GALNT7: variants seen among roughly 807,000 people sequenced by gnomAD.
GALNT7 encodes N-acetylgalactosaminyltransferase 7.
A neutral mutation model predicts 82.1 loss-of-function variants in GALNT7; 60 were observed. The ratio of observed to expected loss-of-function variants is 0.73; its 90% CI spans 0.59 to 0.91. GALNT7 has a LOEUF of 0.91. Ranked by LOEUF, GALNT7 falls within the 40% of genes least tolerant of loss-of-function variation. The pLI, the probability that GALNT7 is intolerant of heterozygous loss-of-function variation, is 0.00. For missense variants in GALNT7, 660 were observed against 804.2 expected, an observed-to-expected ratio of 0.82 and a Z score of 2.17; for synonymous variants, 243 against 275.1, an observed-to-expected ratio of 0.88 and a Z score of 1.15.
chr4:173,239,942 G>A lies in GALNT7; in HGVS notation c.127-8038G>A, dbSNP rs943333628. 2.0e-5 allele frequency among the ~76,000 whole-genome samples: 3 copies of A among 152,064 alleles called. No individual in the cohort carries two copies. In the East Asian group the frequency reaches 5.8e-4, roughly 29 times the overall value. On this transcript the variant is annotated intron_variant, in intron 1 of 11. Coordinates refer to ENST00000265000, the MANE Select transcript of GALNT7 (RefSeq NM_017423.3). ...TCAAAATTGTACTATATACTTCTGA[G>A]TAAATATAACGGATTTGTTACCCAT...
At chr4:173,178,056 C>CGCGCGCGT (rs1732124452) in intron 1 of GALNT7, among the ~76,000 whole-genome samples, 1 of 128,494 alleles carries the variant, frequency 7.8e-6, no homozygotes, top group Non-Finnish European at 1.6e-5. Flanking sequence ...TGTGTGTGCG[C>CGCGCGCGT]GCACGCGCGT....
intron 2 of GALNT7, among the ~76,000 whole-genome samples, chr4:173,266,437 C>G (rs1218794269): frequency 6.6e-6 from 1 of 152,130 alleles, no homozygotes; most frequent in Non-Finnish European, 1.5e-5. Flanking sequence ...TCTTCTAGGA[C>G]CGACCTTTCA....
At chr4:173,314,693 C>T (rs1425999023) in intron 9 of GALNT7, among the ~76,000 whole-genome samples, 2 of 152,158 alleles carry the variant, frequency 1.3e-5, no homozygotes, top group African/African-American at 4.8e-5. Context: ...TCCAACAATG[C>T]TTTTCAAATG....
chr4:173,210,780 A>G (rs879671668), intron 1 of GALNT7, among the ~76,000 whole-genome samples: 2 of 152,140 alleles, frequency 1.3e-5, no homozygotes, highest in Non-Finnish European at 2.9e-5. Flanking sequence ...CTTCTTTTTG[A>G]TTCTGCAACA....
chr4:173,316,976 T>A (rs996381292), intron 9 of GALNT7: 1 of 152,280 alleles, frequency 6.6e-6, no homozygotes, highest in Non-Finnish European at 1.5e-5. Context: ...TCATTATAGG[T>A]GCACAGTCCA....
intron 2 of GALNT7, chr4:173,268,098 T>C (rs988604217): frequency 6.5e-6 from 1 of 154,900 alleles, no homozygotes; most frequent in African/African-American, 2.4e-5. Flanking sequence ...AAGAAATGCT[T>C]GCTTGTAAGT....
chr4:173,233,721 C>T (rs1734117939), intron 1 of GALNT7, among the ~76,000 whole-genome samples: 1 of 152,140 alleles, frequency 6.6e-6, no homozygotes, highest in South Asian at 2.1e-4. Context: ...GCTTTGGCTC[C>T]CATCCCTTCT....
At chr4:173,186,114 G>T (rs1732453007) in intron 1 of GALNT7, among the ~76,000 whole-genome samples, 5 of 152,188 alleles carry the variant, frequency 3.3e-5, no homozygotes, top group African/African-American at 1.2e-4. Flanking sequence ...TTGTCATGGG[G>T]TTGGGGAGTC....
chr4:173,216,725 A>T (rs1298941657), intron 1 of GALNT7, among the ~76,000 whole-genome samples: 920 of 8,366 alleles, frequency 0.11, 27 homozygotes, highest in African/African-American at 0.17. Flanking sequence ...ATATATATAT[A>T]TATTTTTTTT....
chr4:173,184,416 G>A (rs1389913518), intron 1 of GALNT7, among the ~76,000 whole-genome samples: 1 of 152,044 alleles, frequency 6.6e-6, no homozygotes, highest in Admixed American at 6.6e-5. Flanking sequence ...GACCAACACG[G>A]CGAAACCCCG....
chr4:173,316,311 G>C (rs1737600369), intron 9 of GALNT7: 1 of 152,384 alleles, frequency 6.6e-6, no homozygotes, highest in African/African-American at 2.4e-5. Flanking sequence ...TGCATGGCCA[G>C]CTCTCACACC....
At chr4:173,297,232 C>G (rs1452029392) in intron 5 of GALNT7, among the ~76,000 whole-genome samples, 1 of 149,708 alleles carries the variant, frequency 6.7e-6, no homozygotes, top group Admixed American at 6.6e-5. Context: ...TTTAAAGCAA[C>G]AATACCTTTT....
At chr4:173,291,467 G>C (rs765195172) in intron 2 of GALNT7, among the ~76,000 whole-genome samples, 12 of 152,166 alleles carry the variant, frequency 7.9e-5, no homozygotes, top group Non-Finnish European at 1.6e-4. Flanking sequence ...CCTGTTTGGG[G>C]TTTCTTCTAT....
At chr4:173,196,221 T>C (rs1358899966) in intron 1 of GALNT7, among the ~76,000 whole-genome samples, 1 of 151,692 alleles carries the variant, frequency 6.6e-6, no homozygotes, top group African/African-American at 2.4e-5. Flanking sequence ...ACCTCCTAGG[T>C]TCAAGTCATT....
chr4:173,249,426 A>G (rs1219519734), intron 2 of GALNT7, among the ~76,000 whole-genome samples: 2 of 152,156 alleles, frequency 1.3e-5, no homozygotes, highest in African/African-American at 4.8e-5. Flanking sequence ...ATTCCTGTAC[A>G]TTTACTGGTA....
intron 2 of GALNT7, among the ~76,000 whole-genome samples, chr4:173,262,018 T>C (rs1029219304): frequency 3.9e-5 from 6 of 152,128 alleles, no homozygotes; most frequent in Admixed American, 3.9e-4. Flanking sequence ...CGAGTATCAT[T>C]GTCTTAGATT....
intron 1 of GALNT7, among the ~76,000 whole-genome samples, chr4:173,178,048 TGTGTGC>T (rs1382613473): frequency 8.1e-4 from 92 of 113,706 alleles, no homozygotes; most frequent in African/African-American, 2.6e-3. Context: ...TGTGTGTGTG[TGTGTGC>T]GCGCACGCGC....
intron 1 of GALNT7, among the ~76,000 whole-genome samples, chr4:173,240,943 TA>T (rs1264572083): frequency 6.6e-6 from 1 of 152,110 alleles, no homozygotes; most frequent in Non-Finnish European, 1.5e-5. Context: ...TGCTTCTGTT[TA>T]AAAAGGGAAT....
intron 2 of GALNT7, among the ~76,000 whole-genome samples, chr4:173,250,621 T>G (rs1228177990): frequency 6.6e-6 from 1 of 152,180 alleles, no homozygotes; most frequent in African/African-American, 2.4e-5. Context: ...CCATTTCTAC[T>G]CTTGCCTCTT....
Sources: allele counts gnomAD v4.1 joint callset (sites outside exome capture counted in the v4.1 genomes callset), GRCh38; gene constraint gnomAD v4.1.1; transcripts MANE v1.5; gene names NCBI Gene and HGNC (gene_info 2026-07-23, HGNC 2026-07-21).